Variants in CASP4 observed in about 807,000 individuals in gnomAD.
CASP4 encodes the protein caspase 4.
In CASP4, 29 loss-of-function variants were observed where a neutral mutation model predicts 41.3. The ratio of observed to expected loss-of-function variants is 0.70; its 90% CI spans 0.52 to 0.96. CASP4 has a LOEUF of 0.96. Ranked by LOEUF, CASP4 falls within the 40% of genes least tolerant of loss-of-function variation. CASP4 has a pLI of 0.00. For synonymous variants in CASP4, 185 were observed against 158.4 expected (o/e 1.17, Z -1.26); for missense variants, 447 against 460.6 (o/e 0.97, Z 0.27).
chr11:104,950,820 A>ACACACACACC (rs1398826726), intron 4 of CASP4, 105 bp downstream of exon 4: 5 of 1,004,872 alleles, frequency 5.0e-6, no homozygotes, highest in African/African-American at 3.2e-5. Flanking sequence ...ACACACACAC[A>ACACACACACC]CACCCAAAGG....
chr11:104,961,873 T>C (rs1226913743), intron 1 of CASP4, among the ~76,000 whole-genome samples: 1 of 152,308 alleles, frequency 6.6e-6, no homozygotes, highest in East Asian at 1.9e-4. Context: ...GAAAGTTCAA[T>C]AGGCCTGTCT....
intron 1 of CASP4, among the ~76,000 whole-genome samples, chr11:104,961,528 C>T (rs1245571041): frequency 6.6e-6 from 1 of 152,106 alleles, no homozygotes; most frequent in East Asian, 1.9e-4. Context: ...AGCCCCATTG[C>T]AGGGTGTCTG....
At chr11:104,957,258 A>C (rs745958976) in intron 1 of CASP4, among the ~76,000 whole-genome samples, 6 of 152,168 alleles carry the variant, frequency 3.9e-5, no homozygotes, top group Non-Finnish European at 7.4e-5. Flanking sequence ...TTTCTGTATA[A>C]CAATAAACCA....
Position 104,942,945 on chromosome 11 carries a change from T to C in CASP4, c.*34A>G. 2.2e-6 allele frequency: 1 copy of C among 455,854 alleles called. No individual in the cohort carries two copies. The highest frequency in any genetic ancestry group is 4.4e-6 in the Non-Finnish European group (1 of 226,906). 28.2% of individuals were successfully genotyped at this position (455,854 alleles called of 1,614,324 possible). ...TAATGAAGGTGCTCCTTGAAGTTGATTAAGGAGGGCTGGGCTGCTTGTGGC... is the reference window on the plus strand; with the variant it reads ...TAATGAAGGTGCTCCTTGAAGTTGACTAAGGAGGGCTGGGCTGCTTGTGGC... On this transcript the variant is annotated 3_prime_UTR_variant, in exon 9 of 9. Coordinates refer to ENST00000444739, the MANE Select transcript of CASP4 (RefSeq NM_001225.4).
chr11:104,949,120 T>C, intron 5 of CASP4: 1 of 275,176 alleles, frequency 3.6e-6, no homozygotes, highest in Non-Finnish European at 7.0e-6. Context: ...CCTGATCTCT[T>C]TACTAATTTC....
intron 4 of CASP4, among the ~76,000 whole-genome samples, chr11:104,950,412 G>A (rs1166546446): frequency 6.6e-6 from 1 of 151,796 alleles, no homozygotes; most frequent in South Asian, 2.1e-4. Flanking sequence ...CTGTCTTGTC[G>A]CTGTTTTGTA....
At chr11:104,944,890 T>C (rs1860418649) in intron 7 of CASP4, 39 bp from the exon 8 acceptor site, 1 of 1,325,412 alleles carries the variant, frequency 7.5e-7, no homozygotes, top group African/African-American at 1.4e-5. Context: ...ATACGACTCT[T>C]TTCAAGTCTC....
At chr11:104,948,985 C>A in intron 5 of CASP4, 3 of 209,430 alleles carry the variant, frequency 1.4e-5, no homozygotes, top group Non-Finnish European at 2.9e-5. Context: ...AATTCCTGGC[C>A]TCAAGCCATC....
chr11:104,946,563 C>G (rs1373389989), intron 7 of CASP4: 2 of 152,148 alleles, frequency 1.3e-5, no homozygotes, highest in African/African-American at 4.8e-5. Context: ...TCCTTCTGCA[C>G]TTTTTTATTG....
chr11:104,965,490 G>C (rs1038451519), intron 1 of CASP4, among the ~76,000 whole-genome samples: 3 of 152,214 alleles, frequency 2.0e-5, no homozygotes, highest in African/African-American at 7.2e-5. Flanking sequence ...CAGAGGGATT[G>C]AAACTGCCTT....
At chr11:104,946,458 G>T (rs1860461616) in intron 7 of CASP4, among the ~76,000 whole-genome samples, 1 of 152,168 alleles carries the variant, frequency 6.6e-6, no homozygotes, top group African/African-American at 2.4e-5. Context: ...ATTAATATTT[G>T]CTGAGTGGGT....
chr11:104,944,886 C>T (rs778574688), intron 7 of CASP4, 35 bp from the exon 8 acceptor site: 69 of 1,355,186 alleles, frequency 5.1e-5, no homozygotes, highest in Non-Finnish European at 2.4e-5. Flanking sequence ...TGAGATACGA[C>T]TCTTTTCAAG....
At position 104,949,320 on chromosome 11, in the gene CASP4, C is replaced by T. The variant is rs1860545891; in HGVS notation, c.781+223G>A. 3 of 573,062 alleles carry T rather than the reference C, an allele frequency of 5.2e-6. No individual in the cohort carries two copies. The East Asian group carries it at 8.5e-5, about 16-fold the overall frequency. 35.5% of individuals were successfully genotyped at this position (573,062 alleles called of 1,614,324 possible). On this transcript the variant is annotated intron_variant, in intron 5 of 8. Transcript: ENST00000444739. ...TTTGATTTAGGGATTCTGATGATCT[C>T]CTTCACCACTTACTGTGGATAAAAT... is the stretch of plus-strand genomic sequence containing the variant.
At chr11:104,950,489 C>A (rs1860580428) in intron 4 of CASP4, among the ~76,000 whole-genome samples, 2 of 152,126 alleles carry the variant, frequency 1.3e-5, no homozygotes, top group African/African-American at 4.8e-5. Context: ...TTTCTCTCTA[C>A]TGTAACCTAG....
At chr11:104,948,442 T>A in intron 6 of CASP4, 91 bp downstream of exon 6, 1 of 1,251,360 alleles carries the variant, frequency 8.0e-7, no homozygotes, top group Non-Finnish European at 1.1e-6. Context: ...TTCTATCAGA[T>A]CATTGTTTCA....
chr11:104,956,854 A>G (rs1310717234), intron 1 of CASP4, among the ~76,000 whole-genome samples: 3 of 152,150 alleles, frequency 2.0e-5, no homozygotes, highest in Non-Finnish European at 2.9e-5. Context: ...GTAAACTAAT[A>G]TAGTGTTGAC....
At position 104,948,798 on chromosome 11, in the gene CASP4, A is replaced by T. The variant is rs145594193; in HGVS notation, c.782-122T>A. 4.5e-6 allele frequency: 3 copies of T among 659,800 alleles called. No homozygotes were observed. The East Asian group carries it at 8.4e-5, about 18-fold the overall frequency. The allele number at this position is 659,800 out of a possible 1,614,324, so 40.9% of individuals were successfully genotyped here. On this transcript the variant is annotated intron_variant, in intron 5 of 8. Coordinates refer to ENST00000444739, the MANE Select transcript of CASP4 (RefSeq NM_001225.4). Reference sequence around the variant, plus strand: ...GTTTCATACATACAGACCCACACACATACAAACACACACAGAGAGAGACAC... The same window carrying T: ...GTTTCATACATACAGACCCACACACTTACAAACACACACAGAGAGAGACAC...
At chr11:104,948,369 C>T in intron 6 of CASP4, 164 bp downstream of exon 6, 2 of 566,202 alleles carry the variant, frequency 3.5e-6, no homozygotes, top group Non-Finnish European at 5.5e-6. Flanking sequence ...TATCGGGTTG[C>T]TTTAGGAATC....
chr11:104,965,526 C>T lies in CASP4; in HGVS notation c.7+2993G>A, dbSNP rs190978318. On this transcript the variant is annotated intron_variant, in intron 1 of 8. Transcript: ENST00000444739. ...TGCAATATTATAACTGAGGTAATTA[C>T]GACAGTGAAAGAAATAAGACCTAAC... 5.1e-4 allele frequency among the ~76,000 whole-genome samples: 78 copies of T among 152,296 alleles called. No individual in the cohort carries two copies. In the East Asian group the frequency reaches 8.1e-3, roughly 16 times the overall value.
Sources: allele counts gnomAD v4.1 joint callset (sites outside exome capture counted in the v4.1 genomes callset), GRCh38; gene constraint gnomAD v4.1.1; transcripts MANE v1.5; gene names NCBI Gene and HGNC (gene_info 2026-07-23, HGNC 2026-07-21).